Variants in CTNNA3 observed in about 807,000 individuals in gnomAD.
CTNNA3 encodes the protein catenin alpha-3.
Under a neutral mutation model 95.7 loss-of-function variants are expected in CTNNA3, and 76 were observed. The observed-to-expected ratio is 0.79, with a 90% CI of 0.66 to 0.96. CTNNA3 has a LOEUF of 0.96. CTNNA3 is among the 40% of genes least tolerant of loss of function. The probability of loss-of-function intolerance (pLI) is 0.00; values close to 1 mark genes in which losing one functional copy is unlikely to be tolerated. For missense variants in CTNNA3, 1,191 were observed against 1,089.8 expected, an observed-to-expected ratio of 1.09 and a Z score of -1.31; for synonymous variants, 431 against 374.4, an observed-to-expected ratio of 1.15 and a Z score of -1.74.
chr10:67,417,564 T>C (rs1845588807), intron 5 of CTNNA3, among the ~76,000 whole-genome samples: 1 of 152,162 alleles, frequency 6.6e-6, no homozygotes, highest in African/African-American at 2.4e-5. Context: ...AGCCGGTTTA[T>C]TTTATTCAAT....
At chr10:66,606,746 G>T (rs535576940) in intron 10 of CTNNA3, among the ~76,000 whole-genome samples, 1 of 152,008 alleles carries the variant, frequency 6.6e-6, no homozygotes, top group Non-Finnish European at 1.5e-5. Context: ...GATACCTCAC[G>T]CCAGCATCTC....
intron 15 of CTNNA3, among the ~76,000 whole-genome samples, chr10:65,994,384 A>C (rs115404258): frequency 7.0e-4 from 107 of 151,928 alleles, no homozygotes; most frequent in African/African-American, 2.5e-3. Context: ...TCTTTTTTAT[A>C]GCTGAAGGAT....
intron 7 of CTNNA3, among the ~76,000 whole-genome samples, chr10:67,090,837 C>T (rs1049197024): frequency 2.0e-5 from 3 of 152,068 alleles, no homozygotes; most frequent in South Asian, 2.1e-4. Flanking sequence ...GTAGAACCTG[C>T]GGTAACATCT....
At chr10:66,477,483 A>G (rs534951037) in intron 11 of CTNNA3, among the ~76,000 whole-genome samples, 40 of 152,200 alleles carry the variant, frequency 2.6e-4, no homozygotes, top group African/African-American at 9.4e-4. Flanking sequence ...AGTAATTTCA[A>G]TGAATGATGT....
intron 7 of CTNNA3, among the ~76,000 whole-genome samples, chr10:66,789,815 T>C (rs917993032): frequency 6.6e-6 from 1 of 152,124 alleles, no homozygotes; most frequent in East Asian, 1.9e-4. Flanking sequence ...GCACCAGCAC[T>C]CCCCTGCATG....
chr10:67,687,692 T>TGC (rs1435330763), intron 1 of CTNNA3, among the ~76,000 whole-genome samples: 1 of 152,188 alleles, frequency 6.6e-6, no homozygotes, highest in African/African-American at 2.4e-5. Context: ...ACTTATCTTT[T>TGC]AGAATCAATT....
chr10:66,192,103 A>T (rs960994362), intron 13 of CTNNA3, among the ~76,000 whole-genome samples: 8 of 152,100 alleles, frequency 5.3e-5, no homozygotes, highest in African/African-American at 1.9e-4. Flanking sequence ...TTTCTTTATA[A>T]ATTACAGTCT....
At chr10:67,361,034 G>T (rs548196314) in intron 5 of CTNNA3, among the ~76,000 whole-genome samples, 1 of 151,422 alleles carries the variant, frequency 6.6e-6, no homozygotes, top group East Asian at 1.9e-4. Flanking sequence ...GAACAAAGAA[G>T]GGTATTACAT....
At chr10:67,489,399 GA>G (rs754356643) in intron 5 of CTNNA3, among the ~76,000 whole-genome samples, 101 of 152,146 alleles carry the variant, frequency 6.6e-4, no homozygotes, top group Non-Finnish European at 1.3e-3. Context: ...TTTTGGTTGA[GA>G]AAAATGAATC....
intron 11 of CTNNA3, among the ~76,000 whole-genome samples, chr10:66,382,250 T>G (rs1234014391): frequency 2.0e-5 from 3 of 152,122 alleles, no homozygotes; most frequent in Admixed American, 2.0e-4. Flanking sequence ...TTCCCAAGGT[T>G]TTAGCAACCA....
chr10:67,374,308 T>G (rs1843609169), intron 5 of CTNNA3, among the ~76,000 whole-genome samples: 1 of 152,184 alleles, frequency 6.6e-6, no homozygotes, highest in African/African-American at 2.4e-5. Context: ...CCAGCCAGAT[T>G]TGGTCCAAGG....
intron 11 of CTNNA3, among the ~76,000 whole-genome samples, chr10:66,392,070 T>C (rs955814238): frequency 2.1e-4 from 26 of 126,214 alleles, no homozygotes; most frequent in African/African-American, 1.0e-3. Context: ...ACAATTTTTT[T>C]ACAAAAAAAT....
intron 7 of CTNNA3, among the ~76,000 whole-genome samples, chr10:67,101,823 G>A (rs1432981225): frequency 6.6e-6 from 1 of 151,612 alleles, no homozygotes; most frequent in Non-Finnish European, 1.5e-5. Context: ...TTCCTGACTA[G>A]AAGACAGATA....
At chr10:66,282,245 T>C (rs2091505773) in intron 12 of CTNNA3, among the ~76,000 whole-genome samples, 1 of 151,678 alleles carries the variant, frequency 6.6e-6, no homozygotes, top group South Asian at 2.1e-4. Flanking sequence ...GGAGAAACAA[T>C]CTCAAACCAC....
chr10:67,389,867 A>G (rs1425823667), intron 5 of CTNNA3, among the ~76,000 whole-genome samples: 1 of 152,048 alleles, frequency 6.6e-6, no homozygotes, highest in African/African-American at 2.4e-5. Flanking sequence ...CAACGAGAAC[A>G]AAGACACAAC....
chr10:67,195,991 T>C (rs531932817), intron 6 of CTNNA3, among the ~76,000 whole-genome samples: 2 of 121,930 alleles, frequency 1.6e-5, no homozygotes, highest in Non-Finnish European at 3.1e-5. Context: ...CCAACATTCT[T>C]CACAAAAACA....
rs2092134584 is a variant in CTNNA3, at chr10:66,318,449, T to C, written c.1733-37828A>G. On this transcript the variant is annotated intron_variant, in intron 12 of 17. Coordinates refer to ENST00000433211, the MANE Select transcript of CTNNA3 (RefSeq NM_013266.4). ...ACCTATCTTTCTTTGTATTCTGTCG[T>C]TGTGATCCATAGATACCAATTACTC... Among the ~76,000 whole-genome samples the C allele has an allele frequency of 2.0e-5, 3 of 152,130 alleles. No homozygotes were observed. In the South Asian group the frequency reaches 6.2e-4, roughly 32 times the overall value.
chr10:67,125,359 G>A (rs974837102), intron 7 of CTNNA3, among the ~76,000 whole-genome samples: 5 of 151,902 alleles, frequency 3.3e-5, no homozygotes, highest in South Asian at 2.1e-4. Context: ...GTAAGAATGC[G>A]CCCGGGAAAA....
chr10:66,960,078 T>G (rs1461646590), intron 7 of CTNNA3, among the ~76,000 whole-genome samples: 1 of 152,124 alleles, frequency 6.6e-6, no homozygotes, highest in African/African-American at 2.4e-5. Flanking sequence ...TTGAAATTTT[T>G]TTTTCTTTGC....
Sources: gnomAD v4.1 joint callset for allele counts (sites outside exome capture counted in the v4.1 genomes callset) on GRCh38, gnomAD v4.1.1 for gene constraint, MANE v1.5 for transcripts, NCBI Gene and HGNC (gene_info 2026-07-23, HGNC 2026-07-21) for gene names.